Variants in PTPRN2 observed in about 807,000 individuals in gnomAD.
PTPRN2 encodes the protein protein tyrosine phosphatase receptor type N2, also known as receptor-type tyrosine-protein phosphatase N2.
Under a neutral mutation model 118.8 loss-of-function variants are expected in PTPRN2, and 74 were observed. That is an observed-to-expected ratio of 0.62 (90% confidence interval 0.52 to 0.76). The LOEUF (loss-of-function observed/expected upper bound fraction) is 0.76, where lower values mean the gene tolerates loss of function less well. Ranked by LOEUF, PTPRN2 falls within the 30% of genes least tolerant of loss-of-function variation. The pLI, the probability that PTPRN2 is intolerant of heterozygous loss-of-function variation, is 0.00. For missense variants in PTPRN2, 1,481 were observed against 1,394.4 expected (o/e 1.06, Z -0.99); for synonymous variants, 641 against 608.0 (o/e 1.05, Z -0.80).
intron 11 of PTPRN2, among the ~76,000 whole-genome samples, chr7:157,993,459 C>A (rs2128848357): frequency 6.6e-6 from 1 of 152,226 alleles, no homozygotes; most frequent in South Asian, 2.1e-4. Flanking sequence ...AATGTAATTT[C>A]CATGACGCGT....
chr7:157,899,914 T>G (rs909445098), intron 11 of PTPRN2, among the ~76,000 whole-genome samples: 1 of 152,164 alleles, frequency 6.6e-6, no homozygotes, highest in Non-Finnish European at 1.5e-5. Context: ...AATGTAAGCC[T>G]TGGGTGGCAA....
intron 1 of PTPRN2, among the ~76,000 whole-genome samples, chr7:158,499,238 T>C (rs1822179480): frequency 6.6e-6 from 1 of 152,162 alleles, no homozygotes; most frequent in African/African-American, 2.4e-5. Context: ...CTGGGCCCTG[T>C]TAAATGAGTA....
chr7:157,602,653 CAGAGCTG>C (rs1357295927), intron 16 of PTPRN2, among the ~76,000 whole-genome samples: 2 of 151,450 alleles, frequency 1.3e-5, no homozygotes, highest in South Asian at 2.1e-4. Flanking sequence ...CTGAGACCAG[CAGAGCTG>C]AGAGCTGAGC....
chr7:158,058,717 T>C (rs1302567312), intron 11 of PTPRN2, among the ~76,000 whole-genome samples: 5 of 92,266 alleles, frequency 5.4e-5, no homozygotes, highest in African/African-American at 2.8e-4. Context: ...GCAGCCACGC[T>C]CCATCTGCCC....
At chr7:158,579,052 T>G (rs1213738366) in intron 1 of PTPRN2, among the ~76,000 whole-genome samples, 1 of 152,174 alleles carries the variant, frequency 6.6e-6, no homozygotes, top group Non-Finnish European at 1.5e-5. Context: ...CGTGAGCCAC[T>G]GCGCCTGGCC....
In PTPRN2 at chr7:158,229,447, G is replaced by A. The variant is rs116917996; in HGVS notation, c.278-24174C>T. The stretch of plus-strand genomic sequence containing the variant: ...ATAAGATGGCAATATGTGAGTTCTC[G>A]GACCAAGAATTCAAAATAGCAGTTT... On this transcript the variant is annotated intron_variant, in intron 3 of 22. Coordinates refer to ENST00000389418, the MANE Select transcript of PTPRN2 (RefSeq NM_002847.5). Among the ~76,000 whole-genome samples, 1,219 of 151,976 alleles carry A rather than the reference G, an allele frequency of 8.0e-3. 15 individuals carry two copies. The highest frequency in any genetic ancestry group is 0.024 in the Middle Eastern group (7 of 294).
intron 3 of PTPRN2, among the ~76,000 whole-genome samples, chr7:158,303,168 C>CAAAAAAAAAAAA (rs542953447): frequency 9.2e-5 from 11 of 119,878 alleles, no homozygotes; most frequent in African/African-American, 3.0e-4. Flanking sequence ...ACTAACCCAC[C>CAAAAAAAAAAAA]AAAAAAAAAA....
chr7:158,152,268 AGCACTGCTCTTTCATACC>A (rs996870804), intron 6 of PTPRN2, among the ~76,000 whole-genome samples: 1 of 150,534 alleles, frequency 6.6e-6, no homozygotes, highest in Non-Finnish European at 1.5e-5. Context: ...CGGGGGCTGG[AGCACTGCTCTTTCATACC>A]GCACTGCCAG....
intron 2 of PTPRN2, among the ~76,000 whole-genome samples, chr7:158,356,354 G>T (rs1440361111): frequency 6.6e-6 from 1 of 152,152 alleles, no homozygotes; most frequent in East Asian, 1.9e-4. Context: ...GAGCTCAAAG[G>T]CAACCTTAAG....
intron 2 of PTPRN2, among the ~76,000 whole-genome samples, chr7:158,394,779 G>C (rs534055822): frequency 6.6e-6 from 1 of 152,230 alleles, no homozygotes; most frequent in South Asian, 2.1e-4. Flanking sequence ...TGCGGCAGGG[G>C]CTGCCCCTCC....
At chr7:158,067,366 C>T (rs1182836266) in intron 11 of PTPRN2, among the ~76,000 whole-genome samples, 1 of 152,266 alleles carries the variant, frequency 6.6e-6, no homozygotes, top group African/African-American at 2.4e-5. Context: ...TGGCAGGGGG[C>T]AGGGGTTTGT....
chr7:158,225,423 G>C (rs917498421), intron 3 of PTPRN2, among the ~76,000 whole-genome samples: 1 of 152,024 alleles, frequency 6.6e-6, no homozygotes, highest in South Asian at 2.1e-4. Flanking sequence ...CCACAGCCTC[G>C]CTGAATCTCC....
chr7:157,604,392 G>A (rs1016343722), intron 15 of PTPRN2, among the ~76,000 whole-genome samples: 2 of 152,238 alleles, frequency 1.3e-5, no homozygotes, highest in East Asian at 1.9e-4. Flanking sequence ...GCAGACGAAC[G>A]GCATGTGGGG....
intron 2 of PTPRN2, among the ~76,000 whole-genome samples, chr7:158,447,311 G>T (rs1264990118): frequency 6.6e-6 from 1 of 152,168 alleles, no homozygotes; most frequent in Non-Finnish European, 1.5e-5. Flanking sequence ...TTGCATTCCA[G>T]CCATTAATTG....
Position 157,729,735 on chromosome 7 carries a change from C to A in PTPRN2, c.1789-46798G>T, listed in dbSNP as rs1388109866. ...TGCTGGAAAGGACCCAGGAAGAGGG[C>A]TGAGGTCTCACGCCTGGCAGAGATG... is the stretch of plus-strand genomic sequence containing the variant. On this transcript the variant is annotated intron_variant, in intron 12 of 22. Transcript: ENST00000389418. This position sits in a 1 kb window ranked among gnomAD's most constrained non-coding sequence, Gnocchi z 4.3. Among the ~76,000 whole-genome samples the A allele has an allele frequency of 6.6e-6, 1 of 152,178 alleles. No homozygotes were observed. Among genetic ancestry groups the A allele is most frequent in the African/African-American group, 2.4e-5 (1 of 41,426 alleles).
chr7:157,995,862 A>G (rs374780680), intron 11 of PTPRN2, among the ~76,000 whole-genome samples: 2 of 152,382 alleles, frequency 1.3e-5, no homozygotes, highest in African/African-American at 4.8e-5. Flanking sequence ...ATAGCAAAAC[A>G]TGAAATCGAC....
rs1329314462 is a variant in PTPRN2, at chr7:157,711,981, G to C, written c.1789-29044C>G. ...TGGAAGGGGGGCCGGGCAGCTGGGGGCACCATGAGTGGGGGGAGGGGCTGC... is the reference window on the plus strand; with the variant it reads ...TGGAAGGGGGGCCGGGCAGCTGGGGCCACCATGAGTGGGGGGAGGGGCTGC... On this transcript the variant is annotated intron_variant, in intron 12 of 22. Coordinates refer to ENST00000389418, the MANE Select transcript of PTPRN2 (RefSeq NM_002847.5). Among the ~76,000 whole-genome samples, 212 of 86,066 alleles carry C rather than the reference G, an allele frequency of 2.5e-3. 2 individuals carry two copies. Among genetic ancestry groups the C allele is most frequent in the African/African-American group, 5.4e-3 (93 of 17,342 alleles). 56.5% of individuals were successfully genotyped at this position (86,066 alleles called of 152,430 possible). A position where few individuals can be genotyped will look rare whatever the true frequency, so the allele number is the denominator to read the frequency against.
chr7:158,113,403 A>G (rs1816452243), intron 9 of PTPRN2, among the ~76,000 whole-genome samples: 1 of 152,142 alleles, frequency 6.6e-6, no homozygotes, highest in East Asian at 1.9e-4. Flanking sequence ...ATGCTAGCAT[A>G]GGGATAGGAG....
chr7:158,516,926 C>T (rs1266856836), intron 1 of PTPRN2, among the ~76,000 whole-genome samples: 1 of 152,190 alleles, frequency 6.6e-6, no homozygotes, highest in Non-Finnish European at 1.5e-5. Flanking sequence ...TTCTGCTATT[C>T]CTGTAACCTG....
Sources: gnomAD v4.1 joint callset for allele counts (sites outside exome capture counted in the v4.1 genomes callset) on GRCh38, gnomAD v4.1.1 for gene constraint, Gnocchi (gnomAD v3.1) non-coding constraint, MANE v1.5 for transcripts, NCBI Gene and HGNC (gene_info 2026-07-23, HGNC 2026-07-21) for gene names.